Variants in ALCAM observed in about 807,000 individuals in gnomAD.
ALCAM encodes the protein activated leukocyte cell adhesion molecule.
A neutral mutation model predicts 70.9 loss-of-function variants in ALCAM; 30 were observed. The observed-to-expected ratio is 0.42, with a 90% confidence interval of 0.32 to 0.57. The LOEUF (loss-of-function observed/expected upper bound fraction) is 0.57. Ranked by LOEUF, ALCAM falls within the 20% of genes least tolerant of loss-of-function variation. The probability of loss-of-function intolerance (pLI) is 0.11; values close to 1 mark genes in which losing one functional copy is unlikely to be tolerated. For missense variants in ALCAM, 591 were observed against 695.1 expected (o/e 0.85, Z 1.68); for synonymous variants, 249 against 242.5 (o/e 1.03, Z -0.25).
rs776752599 is a variant in ALCAM, at chr3:105,575,771, G to A, written c.*1320G>A. The A allele has an allele frequency of 6.6e-6, 1 of 151,974 alleles. No homozygotes were observed. The highest frequency in any genetic ancestry group is 2.4e-5 in the African/African-American group (1 of 41,356). The allele number at this position is 151,974 out of a possible 1,614,324, so 9.4% of individuals were successfully genotyped here. A position where few individuals can be genotyped will look rare whatever the true frequency, so the allele number is the denominator to read the frequency against. ...GGTTTCTGGGAGAACACTGCACAGC[G>A]ATTTCTTTCCCAGGATTTACACAAC... On this transcript the variant is annotated 3_prime_UTR_variant, in exon 16 of 16. Coordinates refer to ENST00000306107, the MANE Select transcript of ALCAM (RefSeq NM_001627.4).
Position 105,547,246 on chromosome 3 carries a change from G to A in ALCAM, c.1202G>A (p.Gly401Glu), listed in dbSNP as rs867558768. The A allele has an allele frequency of 6.2e-7, 1 of 1,605,264 alleles. No homozygotes were observed. Among genetic ancestry groups the A allele is most frequent in the East Asian group, 2.2e-5 (1 of 44,740 alleles). ...VCETALQEVE[G>E]LKKRESLTLI... ...GAAACTGCTCTGCAGGAGGTTGAAG[G>A]ACTAAAGAAAAGAGAGTCATTGACT... Residue 401 changes from glycine to glutamate, a missense_variant, in exon 10 of 16, where the codon GGA becomes GAA. By Grantham distance (98) the Gly-to-Glu change is moderately conservative (BLOSUM62 -2). Transcript: ENST00000306107.
intron 6 of ALCAM, among the ~76,000 whole-genome samples, chr3:105,537,494 G>A (rs150900160): frequency 1.2e-4 from 19 of 152,158 alleles, no homozygotes; most frequent in Admixed American, 5.2e-4. Flanking sequence ...CCTTGAGTTC[G>A]TTTTAGCCAT....
At chr3:105,467,792 A>G (rs1937790152) in intron 1 of ALCAM, among the ~76,000 whole-genome samples, 1 of 151,220 alleles carries the variant, frequency 6.6e-6, no homozygotes, top group Non-Finnish European at 1.5e-5. Context: ...ACACTTAAAA[A>G]CAATTAAAAT....
At chr3:105,536,278 G>C (rs1303816191) in intron 6 of ALCAM, among the ~76,000 whole-genome samples, 1 of 151,952 alleles carries the variant, frequency 6.6e-6, no homozygotes, top group Non-Finnish European at 1.5e-5. Context: ...ATTTTTAGTA[G>C]AGGTGGGGTT....
intron 1 of ALCAM, among the ~76,000 whole-genome samples, chr3:105,509,085 A>G (rs551833450): frequency 1.3e-5 from 2 of 152,234 alleles, no homozygotes; most frequent in Admixed American, 1.3e-4. Context: ...TTGTGTTTGT[A>G]TCTATATAGA....
At position 105,369,524 on chromosome 3, in the gene ALCAM, T is replaced by G. The variant is rs375250808; in HGVS notation, c.73+2043T>G. Among the ~76,000 whole-genome samples the G allele has an allele frequency of 1.3e-3, 198 of 152,312 alleles. 1 individual carries two copies. The highest frequency in any genetic ancestry group is 4.6e-3 in the African/African-American group (192 of 41,564). ...TTCTCATTGCAGTATCAGTGTGTTTTGAAAGGAAAGGTTACAGCACTAAAG... is the reference window on the plus strand; with the variant it reads ...TTCTCATTGCAGTATCAGTGTGTTTGGAAAGGAAAGGTTACAGCACTAAAG... On this transcript the variant is annotated intron_variant, in intron 1 of 15. Coordinates refer to ENST00000306107, the MANE Select transcript of ALCAM (RefSeq NM_001627.4).
At chr3:105,413,805 G>A (rs769437644) in intron 1 of ALCAM, among the ~76,000 whole-genome samples, 1 of 152,066 alleles carries the variant, frequency 6.6e-6, no homozygotes, top group Non-Finnish European at 1.5e-5. Flanking sequence ...GCAAAATAAG[G>A]TAATTAGAAA....
chr3:105,398,954 T>C (rs977308807), intron 1 of ALCAM, among the ~76,000 whole-genome samples: 35 of 152,024 alleles, frequency 2.3e-4, no homozygotes, highest in Non-Finnish European at 3.5e-4. Flanking sequence ...TCACACTTCT[T>C]TTATTTTGTT....
chr3:105,397,342 GTAAA>G (rs1300794946), intron 1 of ALCAM, among the ~76,000 whole-genome samples: 1 of 151,860 alleles, frequency 6.6e-6, no homozygotes, highest in Non-Finnish European at 1.5e-5. Context: ...TATATATGAA[GTAAA>G]CTTAGTCAAA....
At chr3:105,524,801 T>G (rs1939654239) in intron 3 of ALCAM, 3 of 1,128,154 alleles carry the variant, frequency 2.7e-6, no homozygotes, top group Non-Finnish European at 3.3e-6. Context: ...CAGGTGATCT[T>G]AATTTTTACT....
intron 1 of ALCAM, among the ~76,000 whole-genome samples, chr3:105,510,779 T>C (rs1482740598): frequency 2.0e-5 from 3 of 152,096 alleles, no homozygotes; most frequent in African/African-American, 7.2e-5. Flanking sequence ...TGTTTATGTT[T>C]TACCACCTTG....
intron 1 of ALCAM, among the ~76,000 whole-genome samples, chr3:105,403,892 A>G (rs1031487523): frequency 6.6e-6 from 1 of 151,680 alleles, no homozygotes; most frequent in Non-Finnish European, 1.5e-5. Flanking sequence ...TAAATAAAAA[A>G]CAATCACAAC....
chr3:105,402,788 G>T (rs1397242869), intron 1 of ALCAM, among the ~76,000 whole-genome samples: 1 of 151,946 alleles, frequency 6.6e-6, no homozygotes, highest in East Asian at 1.9e-4. Context: ...CTACCTAGTG[G>T]TCATCCTCTG....
chr3:105,529,461 CTCA>C (rs1256826184), intron 3 of ALCAM, among the ~76,000 whole-genome samples: 1 of 152,126 alleles, frequency 6.6e-6, no homozygotes, highest in Non-Finnish European at 1.5e-5. Context: ...CCAACTAATA[CTCA>C]TCAATTGTCA....
At chr3:105,401,207 C>T (rs1390669785) in intron 1 of ALCAM, among the ~76,000 whole-genome samples, 1 of 152,122 alleles carries the variant, frequency 6.6e-6, no homozygotes, top group Non-Finnish European at 1.5e-5. Context: ...CTGATGATCC[C>T]CTTTTGTGTG....
At chr3:105,423,981 A>T (rs1274655551) in intron 1 of ALCAM, among the ~76,000 whole-genome samples, 1 of 151,602 alleles carries the variant, frequency 6.6e-6, no homozygotes, top group Non-Finnish European at 1.5e-5. Flanking sequence ...AACATTTCAG[A>T]TTACTCATTC....
At chr3:105,454,779 G>A (rs112186431) in intron 1 of ALCAM, among the ~76,000 whole-genome samples, 8 of 141,150 alleles carry the variant, frequency 5.7e-5, no homozygotes, top group African/African-American at 1.8e-4. Flanking sequence ...AGTGATTGTC[G>A]TGCCTCAGCC....
At chr3:105,404,180 G>A (rs1360489036) in intron 1 of ALCAM, among the ~76,000 whole-genome samples, 1 of 151,974 alleles carries the variant, frequency 6.6e-6, no homozygotes, top group African/African-American at 2.4e-5. Context: ...GAATAATTAA[G>A]GAAAACTTCC....
intron 1 of ALCAM, among the ~76,000 whole-genome samples, chr3:105,413,557 G>T (rs1026208781): frequency 1.3e-5 from 2 of 152,122 alleles, no homozygotes; most frequent in African/African-American, 4.8e-5. Context: ...GTAGATGGAT[G>T]TGGGATAAGT....
Sources: gnomAD v4.1 joint callset for allele counts (sites outside exome capture counted in the v4.1 genomes callset) on GRCh38, gnomAD v4.1.1 for gene constraint, MANE v1.5 for transcripts, NCBI Gene and HGNC (gene_info 2026-07-23, HGNC 2026-07-21) for gene names.